Variants in UNC13B observed in about 807,000 individuals in gnomAD.
UNC13B encodes the protein unc-13 homolog B.
Under a neutral mutation model 211.0 loss-of-function variants are expected in UNC13B, and 144 were observed. That is an observed-to-expected ratio of 0.68 (90% CI 0.60 to 0.78). The LOEUF (loss-of-function observed/expected upper bound fraction) is 0.78, where lower values mean the gene tolerates loss of function less well. Ranked by LOEUF, UNC13B falls within the 30% of genes least tolerant of loss-of-function variation. UNC13B has a pLI of 0.00. For synonymous variants in UNC13B, 709 were observed against 725.8 expected, an observed-to-expected ratio of 0.98 and a Z score of 0.37; for missense variants, 1,777 against 2,002.0, an observed-to-expected ratio of 0.89 and a Z score of 2.14.
At chr9:35,390,742 G>C in intron 26 of UNC13B, 28 bp downstream of exon 26, 2 of 1,596,770 alleles carry the variant, frequency 1.3e-6, no homozygotes, top group East Asian at 2.2e-5. Flanking sequence ...TCAGTGGGCT[G>C]CCAGGCTCCT....
At chr9:35,232,585 G>A (rs555582320) in intron 3 of UNC13B, among the ~76,000 whole-genome samples, 7 of 152,088 alleles carry the variant, frequency 4.6e-5, no homozygotes, top group Non-Finnish European at 7.4e-5. Flanking sequence ...TGAATAGAAG[G>A]TATTCAGGAA....
intron 1 of UNC13B, among the ~76,000 whole-genome samples, chr9:35,209,902 T>C (rs1823873442): frequency 6.6e-6 from 1 of 152,152 alleles, no homozygotes; most frequent in African/African-American, 2.4e-5. Flanking sequence ...GGACTAATAC[T>C]TTCCTTAGGT....
At chr9:35,208,642 A>G (rs1187664340) in intron 1 of UNC13B, among the ~76,000 whole-genome samples, 1 of 152,136 alleles carries the variant, frequency 6.6e-6, no homozygotes, top group African/African-American at 2.4e-5. Context: ...CACACTTTTA[A>G]AACAACCAGA....
chr9:35,250,836 T>A (rs138215602), intron 6 of UNC13B, among the ~76,000 whole-genome samples: 1 of 152,168 alleles, frequency 6.6e-6, no homozygotes, highest in African/African-American at 2.4e-5. Flanking sequence ...ATCTTTTTTA[T>A]TATATCCATT....
intron 7 of UNC13B, among the ~76,000 whole-genome samples, chr9:35,263,410 C>T (rs10972414): frequency 0.026 from 3,948 of 151,528 alleles, 173 homozygotes; most frequent in African/African-American, 0.089. Context: ...GACCCCTGCA[C>T]GTACCAAAAT....
intron 1 of UNC13B, among the ~76,000 whole-genome samples, chr9:35,217,536 G>A (rs1306022261): frequency 1.3e-5 from 2 of 151,864 alleles, no homozygotes; most frequent in Non-Finnish European, 2.9e-5. Context: ...CTACAGGGGC[G>A]TGCCACCACG....
At chr9:35,346,208 T>C (rs1832348586) in intron 11 of UNC13B, among the ~76,000 whole-genome samples, 2 of 152,202 alleles carry the variant, frequency 1.3e-5, no homozygotes, top group Non-Finnish European at 2.9e-5. Flanking sequence ...AGAAATGCTC[T>C]GTCCTCTGTT....
rs1345918745 is a variant in UNC13B at position 35,301,914 on chromosome 9, G to A, written c.2510G>A (p.Arg837His). 1.0e-5 allele frequency: 4 copies of A among 398,656 alleles called. No individual in the cohort carries two copies. The highest frequency in any genetic ancestry group is 1.8e-5 in the Non-Finnish European group (4 of 225,870). The allele number at this position is 398,656 out of a possible 1,614,324, so 24.7% of individuals were successfully genotyped here. The part of the protein sequence containing the change: ...KESLSEPVKI[R>H]QVEEDGLERG... Reference sequence around the variant, plus strand: ...AGTTTGTCAGAACCTGTGAAAATTCGCCAGGTGGAGGAAGATGGTTTAGAA... The same window carrying A: ...AGTTTGTCAGAACCTGTGAAAATTCACCAGGTGGAGGAAGATGGTTTAGAA... The change falls in exon 9 of 40, where the codon CGC (arginine) becomes CAC (histidine). Residue 837 changes from arginine to histidine, a missense_variant. Physicochemically the swap from Arg to His is conservative, Grantham distance 29. Transcript: ENST00000635942.
chr9:35,208,546 A>G (rs547649691), intron 1 of UNC13B, among the ~76,000 whole-genome samples: 2 of 152,344 alleles, frequency 1.3e-5, no homozygotes, highest in African/African-American at 4.8e-5. Context: ...GGGAAGCCCC[A>G]GGAAACCTAC....
chr9:35,402,546 TC>T (rs1836390528), intron 37 of UNC13B, among the ~76,000 whole-genome samples: 2 of 152,108 alleles, frequency 1.3e-5, no homozygotes, highest in Admixed American at 1.3e-4. Context: ...CCTCCCAAAG[TC>T]CTGGGATTAC....
chr9:35,223,854 A>C (rs1824693890), intron 1 of UNC13B, among the ~76,000 whole-genome samples: 1 of 152,112 alleles, frequency 6.6e-6, no homozygotes, highest in Non-Finnish European at 1.5e-5. Context: ...GCCCAGTTTC[A>C]TTCTTCTGTA....
chr9:35,183,691 C>T (rs1233325279), intron 1 of UNC13B, among the ~76,000 whole-genome samples: 10 of 139,354 alleles, frequency 7.2e-5, no homozygotes, highest in South Asian at 2.3e-4. Context: ...ACTTCCCAGA[C>T]GGGGCAGCTG....
chr9:35,230,198 C>T (rs891044000), intron 2 of UNC13B, among the ~76,000 whole-genome samples: 4 of 151,906 alleles, frequency 2.6e-5, no homozygotes, highest in Admixed American at 6.6e-5. Flanking sequence ...TTGGCTGGGC[C>T]TGGTGGCTCA....
chr9:35,289,649 C>A (rs1215654911), intron 7 of UNC13B, among the ~76,000 whole-genome samples: 4 of 152,060 alleles, frequency 2.6e-5, no homozygotes, highest in Admixed American at 2.6e-4. Context: ...GCTAGTAAAT[C>A]GCAGAGCCAG....
intron 7 of UNC13B, among the ~76,000 whole-genome samples, chr9:35,264,137 A>T (rs760192937): frequency 6.6e-6 from 1 of 152,168 alleles, no homozygotes; most frequent in Non-Finnish European, 1.5e-5. Context: ...TGAGATTTCC[A>T]TGAAGGGGTT....
intron 11 of UNC13B, chr9:35,342,283 A>T: frequency 1.0e-6 from 1 of 985,628 alleles, no homozygotes; most frequent in Non-Finnish European, 1.2e-6. Flanking sequence ...AAAACTTGAG[A>T]ATTCATGGTT....
chr9:35,343,776 A>G (rs1003391236), intron 11 of UNC13B, among the ~76,000 whole-genome samples: 5 of 152,008 alleles, frequency 3.3e-5, no homozygotes, highest in Non-Finnish European at 5.9e-5. Context: ...TGTGGTAGCT[A>G]CTGGCCACAT....
intron 5 of UNC13B, among the ~76,000 whole-genome samples, chr9:35,242,803 C>G (rs1825881090): frequency 6.6e-6 from 1 of 152,110 alleles, no homozygotes; most frequent in African/African-American, 2.4e-5. Flanking sequence ...ATATATAATC[C>G]AAAGTGGGAG....
intron 37 of UNC13B, among the ~76,000 whole-genome samples, chr9:35,401,054 T>C (rs1255405082): frequency 4.6e-5 from 7 of 152,272 alleles, no homozygotes; most frequent in African/African-American, 1.7e-4. Flanking sequence ...ACCTCCAGCA[T>C]GGCCTGTCCA....
Sources: gnomAD v4.1 joint callset for allele counts (sites outside exome capture counted in the v4.1 genomes callset) on GRCh38, gnomAD v4.1.1 for gene constraint, MANE v1.5 for transcripts, NCBI Gene and HGNC (gene_info 2026-07-23, HGNC 2026-07-21) for gene names.